Variants in LRBA observed in about 807,000 individuals in gnomAD.
LRBA encodes LPS responsive beige-like anchor protein.
In LRBA, 176 loss-of-function variants were observed where a neutral mutation model predicts 330.0. The ratio of observed to expected loss-of-function variants is 0.53; its 90% confidence interval spans 0.47 to 0.60. The LOEUF (loss-of-function observed/expected upper bound fraction) is 0.60, where lower values mean the gene tolerates loss of function less well. Among genes scored for constraint, LRBA ranks in the 20% least tolerant of loss-of-function variants. The pLI, the probability that LRBA is intolerant of heterozygous loss-of-function variation, is 0.00. For synonymous variants in LRBA, 1,230 were observed against 1,193.0 expected (o/e 1.03, Z -0.64); for missense variants, 3,259 against 3,444.8 (o/e 0.95, Z 1.35).
At chr4:150,399,132 T>C (rs527567842) in intron 47 of LRBA, among the ~76,000 whole-genome samples, 6 of 152,324 alleles carry the variant, frequency 3.9e-5, no homozygotes, top group African/African-American at 1.2e-4. Flanking sequence ...TGTACTCAAC[T>C]AGAAATTACC....
In LRBA at chr4:150,585,207, CA is replaced by C. The variant is rs200086378; in HGVS notation, c.6330+2840del. On this transcript the variant is annotated intron_variant, in intron 40 of 56. Transcript: ENST00000651943. ...AATTTAACAATTAAATAAACCACAA[CA>C]AAAAATACAATGGTTATAGCAATAA... Among the ~76,000 whole-genome samples the C allele has an allele frequency of 6.2e-3, 937 of 152,188 alleles. 13 individuals are homozygous for C. The highest frequency in any genetic ancestry group is 0.021 in the African/African-American group (886 of 41,546).
chr4:150,276,565 C>T (rs1434223812), intron 56 of LRBA, among the ~76,000 whole-genome samples: 1 of 152,090 alleles, frequency 6.6e-6, no homozygotes, highest in Non-Finnish European at 1.5e-5. Context: ...CTACAAAGAA[C>T]TTAAACAAAT....
chr4:150,921,067 T>C, intron 5 of LRBA, 131 bp downstream of exon 5: 1 of 572,958 alleles, frequency 1.7e-6, no homozygotes, highest in South Asian at 2.8e-5. Flanking sequence ...ACGACTATCA[T>C]AAGGATTAAA....
intron 48 of LRBA, among the ~76,000 whole-genome samples, chr4:150,334,770 T>TA (rs11368743): frequency 0.25 from 37,166 of 147,040 alleles, 4,839 homozygotes; most frequent in African/African-American, 0.31. Flanking sequence ...AAAGACAATT[T>TA]AAAAAAAAAG....
intron 40 of LRBA, among the ~76,000 whole-genome samples, chr4:150,571,479 T>A (rs1769830882): frequency 6.6e-6 from 1 of 151,966 alleles, no homozygotes; most frequent in Admixed American, 6.6e-5. Context: ...CCAAGCTTCT[T>A]TAAAACTAAG....
At chr4:150,675,807 C>T (rs554769276) in intron 37 of LRBA, among the ~76,000 whole-genome samples, 1 of 152,186 alleles carries the variant, frequency 6.6e-6, no homozygotes, top group South Asian at 2.1e-4. Context: ...TAAGTATCAC[C>T]TATTATTCAC....
At chr4:150,872,639 C>T in intron 18 of LRBA, 24 bp downstream of exon 18, 3 of 1,428,594 alleles carry the variant, frequency 2.1e-6, no homozygotes, top group Non-Finnish European at 3.0e-6. Flanking sequence ...TACAACAGTC[C>T]ATCTTAGATT....
chr4:150,823,360 C>T (rs1345860075), intron 30 of LRBA, among the ~76,000 whole-genome samples: 1 of 152,034 alleles, frequency 6.6e-6, no homozygotes, highest in Non-Finnish European at 1.5e-5. Context: ...TATTAGAACC[C>T]TTGTCAGTTA....
At chr4:150,456,985 T>A (rs1040758836) in intron 44 of LRBA, among the ~76,000 whole-genome samples, 6 of 152,152 alleles carry the variant, frequency 3.9e-5, no homozygotes, top group African/African-American at 1.4e-4. Flanking sequence ...ACTGTAGGTA[T>A]GTGGATTTGT....
intron 55 of LRBA, among the ~76,000 whole-genome samples, chr4:150,280,195 G>A (rs1023321640): frequency 6.6e-6 from 1 of 152,188 alleles, no homozygotes; most frequent in Non-Finnish European, 1.5e-5. Context: ...TTAGCAAGCA[G>A]CACCTGATCT....
intron 29 of LRBA, 62 bp downstream of exon 29, chr4:150,831,755 C>T: frequency 2.4e-6 from 3 of 1,256,928 alleles, no homozygotes; most frequent in Non-Finnish European, 3.3e-6. Context: ...ATATTTTAAC[C>T]ATCAAAAGTA....
At chr4:150,606,953 G>A (rs1221272347) in intron 37 of LRBA, among the ~76,000 whole-genome samples, 1 of 152,120 alleles carries the variant, frequency 6.6e-6, no homozygotes, top group Non-Finnish European at 1.5e-5. Flanking sequence ...AGAGTAAACC[G>A]ATGACTTTTA....
intron 2 of LRBA, among the ~76,000 whole-genome samples, chr4:150,982,838 T>A (rs1741009046): frequency 1.3e-5 from 2 of 152,286 alleles, no homozygotes; most frequent in Non-Finnish European, 2.9e-5. Flanking sequence ...AGCCATAAAT[T>A]CACTGAGCTG....
intron 37 of LRBA, among the ~76,000 whole-genome samples, chr4:150,617,519 G>A (rs1210777106): frequency 6.6e-6 from 1 of 152,130 alleles, no homozygotes; most frequent in African/African-American, 2.4e-5. Flanking sequence ...GCAGGCGCCT[G>A]TAATCCCAGC....
intron 36 of LRBA, among the ~76,000 whole-genome samples, chr4:150,701,932 T>G (rs1785162760): frequency 6.6e-6 from 1 of 152,188 alleles, no homozygotes; most frequent in Admixed American, 6.5e-5. Context: ...AATGGTATTC[T>G]TAGTTTTAAA....
chr4:150,706,970 C>T lies in LRBA; in HGVS notation c.5755-23253G>A, dbSNP rs565315798. Among the ~76,000 whole-genome samples, 5 of 151,884 alleles carry T rather than the reference C, an allele frequency of 3.3e-5. No homozygotes were observed. The South Asian group carries it at 8.3e-4, about 25-fold the overall frequency. ...AACACATTCTATAAGGAAACATTCACACTTTGTTGATCAAAGTATAAAAAT... is the reference window on the plus strand; with the variant it reads ...AACACATTCTATAAGGAAACATTCATACTTTGTTGATCAAAGTATAAAAAT... On this transcript the variant is annotated intron_variant, in intron 36 of 56. Coordinates refer to ENST00000651943, the MANE Select transcript of LRBA (RefSeq NM_001364905.1).
intron 47 of LRBA, among the ~76,000 whole-genome samples, chr4:150,365,077 A>C (rs1341247463): frequency 6.6e-6 from 1 of 152,042 alleles, no homozygotes; most frequent in Non-Finnish European, 1.5e-5. Context: ...TGGTGTGAAC[A>C]CAGCTCACTG....
intron 30 of LRBA, among the ~76,000 whole-genome samples, chr4:150,819,798 G>T (rs1436847906): frequency 1.3e-5 from 2 of 152,096 alleles, no homozygotes; most frequent in East Asian, 3.8e-4. Context: ...GCCTCTTGCT[G>T]TTAATGTTTC....
chr4:150,807,918 G>A (rs570997907), intron 32 of LRBA, among the ~76,000 whole-genome samples: 340 of 152,174 alleles, frequency 2.2e-3, no homozygotes, highest in Non-Finnish European at 2.7e-3. Flanking sequence ...TCAAAGTGCT[G>A]GGATTACAGG....
Sources: gnomAD v4.1 joint callset for allele counts (sites outside exome capture counted in the v4.1 genomes callset) on GRCh38, gnomAD v4.1.1 for gene constraint, MANE v1.5 for transcripts, NCBI Gene and HGNC (gene_info 2026-07-23, HGNC 2026-07-21) for gene names.